BBS5: variants seen among roughly 807,000 people sequenced by gnomAD.
BBS5 encodes Bardet-Biedl syndrome 5, also known as BBSome complex member BBS5.
A neutral mutation model predicts 50.2 loss-of-function variants in BBS5; 39 were observed. The observed-to-expected ratio is 0.78, with a 90% CI of 0.60 to 1.01. The LOEUF is 1.01. BBS5 is among the 50% of genes least tolerant of loss of function. BBS5 has a pLI of 0.00. For missense variants in BBS5, 356 were observed against 401.5 expected (o/e 0.89, Z 0.97); for synonymous variants, 134 against 133.1 (o/e 1.01, Z -0.05).
intron 7 of BBS5, among the ~76,000 whole-genome samples, chr2:169,494,765 A>G (rs577471723): frequency 4.5e-4 from 69 of 152,324 alleles, no homozygotes; most frequent in African/African-American, 1.3e-3. Context: ...TAGATGGAAC[A>G]TAAAAATAGT....
chr2:169,495,527 C>T (rs934174494), intron 7 of BBS5, among the ~76,000 whole-genome samples: 1 of 152,208 alleles, frequency 6.6e-6, no homozygotes, highest in East Asian at 1.9e-4. Flanking sequence ...TACACCTCAG[C>T]CATTACCCTG....
chr2:169,484,729 T>C (rs1683460309), intron 2 of BBS5, among the ~76,000 whole-genome samples: 1 of 152,192 alleles, frequency 6.6e-6, no homozygotes, highest in Admixed American at 6.5e-5. Context: ...TGCTTAGGTG[T>C]AAAATGGCAT....
chr2:169,487,621 T>C, intron 3 of BBS5, 185 bp from the exon 4 acceptor site: 1 of 469,626 alleles, frequency 2.1e-6, no homozygotes, highest in Non-Finnish European at 3.7e-6. Flanking sequence ...GGAGACAGAA[T>C]TGACCCTCTA....
chr2:169,489,326 G>A (rs977571771), intron 5 of BBS5, among the ~76,000 whole-genome samples: 1 of 151,922 alleles, frequency 6.6e-6, no homozygotes, highest in African/African-American at 2.4e-5. Flanking sequence ...AGCTGAGCAT[G>A]GTGGTGCATG....
rs536585456 is a variant in BBS5 at position 169,504,744 on chromosome 2, C to A, written c.*162C>A. 6.3e-6 allele frequency: 8 copies of A among 1,278,706 alleles called. 1 individual carries two copies. The South Asian group carries it at 1.1e-4, about 17-fold the overall frequency. The allele number at this position is 1,278,706 out of a possible 1,614,324, so 79.2% of individuals were successfully genotyped here. ...GAGGAAAAAGTCATTTAGAAAACTT[C>A]AGTTTTCGGCCAGCGCGTCGAGGGA... On this transcript the variant is annotated 3_prime_UTR_variant, in exon 12 of 12. Transcript: ENST00000295240.
At chr2:169,492,544 G>T (rs979587308) in intron 5 of BBS5, among the ~76,000 whole-genome samples, 6 of 150,756 alleles carry the variant, frequency 4.0e-5, no homozygotes, top group Admixed American at 3.3e-4. Flanking sequence ...ACACTAAAAT[G>T]ACAAATTCTA....
Position 169,493,590 on chromosome 2 carries a change from T to C in BBS5, c.523-151T>C, listed in dbSNP as rs948559049. The C allele has an allele frequency of 2.5e-5, 17 of 675,146 alleles. No individual in the cohort carries two copies. In the African/African-American group the frequency reaches 2.9e-4, roughly 11 times the overall value. The allele number at this position is 675,146 out of a possible 1,614,324, so 41.8% of individuals were successfully genotyped here. A position where few individuals can be genotyped will look rare whatever the true frequency, so the allele number is the denominator to read the frequency against. ...ACTCCAAAGTCCAGGCTGTCACTCG[T>C]CTAATTGTACTGCCATCAATGAATG... On this transcript the variant is annotated intron_variant, in intron 6 of 11. Transcript: ENST00000295240.
At chr2:169,490,694 GT>G (rs1161575125) in intron 5 of BBS5, among the ~76,000 whole-genome samples, 4 of 152,030 alleles carry the variant, frequency 2.6e-5, no homozygotes, top group African/African-American at 9.7e-5. Flanking sequence ...CGATTTTAAA[GT>G]ATACAGTTCA....
intron 2 of BBS5, among the ~76,000 whole-genome samples, chr2:169,486,736 C>T (rs1021143432): frequency 3.9e-5 from 6 of 152,240 alleles, no homozygotes; most frequent in Admixed American, 2.0e-4. Context: ...CTCAGTTGTA[C>T]ACATATGACT....
At chr2:169,491,827 C>T (rs548183643) in intron 5 of BBS5, among the ~76,000 whole-genome samples, 5 of 152,264 alleles carry the variant, frequency 3.3e-5, no homozygotes, top group South Asian at 2.1e-4. Flanking sequence ...GACAGAGTCT[C>T]GCTCTGTGGC....
At position 169,504,824 on chromosome 2, in the gene BBS5, A is replaced by G. The variant is rs111736834; in HGVS notation, c.*242A>G. 0.1 allele frequency: 160,098 copies of G among 1,597,538 alleles called. 8,780 individuals are homozygous for G. Among genetic ancestry groups the G allele is most frequent in the Non-Finnish European group, 0.11 (131,849 of 1,170,844 alleles). On this transcript the variant is annotated 3_prime_UTR_variant, in exon 12 of 12. Coordinates refer to ENST00000295240, the MANE Select transcript of BBS5 (RefSeq NM_152384.3). ...TCCGGCCGCGGCGCTGGCTTAAGCC[A>G]TGGCTGAGGGTAGCTGGATTCCTCA...
At chr2:169,479,812 G>A (rs1380646503) in intron 1 of BBS5, among the ~76,000 whole-genome samples, 200 bp downstream of exon 1, 2 of 152,232 alleles carry the variant, frequency 1.3e-5, no homozygotes, top group African/African-American at 4.8e-5. Flanking sequence ...GCCGCGGCAA[G>A]AGCGCATCGG....
At chr2:169,494,964 C>G (rs1420893728) in intron 7 of BBS5, among the ~76,000 whole-genome samples, 1 of 152,158 alleles carries the variant, frequency 6.6e-6, no homozygotes, top group Non-Finnish European at 1.5e-5. Context: ...ATTCCCAACC[C>G]TATTTTTGGC....
At chr2:169,495,392 T>C (rs897257618) in intron 7 of BBS5, among the ~76,000 whole-genome samples, 1 of 152,260 alleles carries the variant, frequency 6.6e-6, no homozygotes, top group Non-Finnish European at 1.5e-5. Context: ...CTTTCTGTTC[T>C]TTTTGTTATT....
chr2:169,506,209 C>G lies in BBS5; in HGVS notation c.*1627C>G. On this transcript the variant is annotated 3_prime_UTR_variant, in exon 12 of 12. Transcript: ENST00000295240. Reference sequence around the variant, plus strand: ...GTCAGCCCCCCGCCCGGCCAGCCGCCCCGTCCGGGAGGTTAGGGGCGCCTC... The same window carrying G: ...GTCAGCCCCCCGCCCGGCCAGCCGCGCCGTCCGGGAGGTTAGGGGCGCCTC... 6.5e-6 allele frequency: 1 copy of G among 154,876 alleles called. No individual in the cohort carries two copies. The highest frequency in any genetic ancestry group is 2.0e-4 in the South Asian group (1 of 5,064). 9.6% of individuals were successfully genotyped at this position (154,876 alleles called of 1,614,324 possible).
Position 169,505,272 on chromosome 2 carries a change from G to A in BBS5, c.*690G>A, listed in dbSNP as rs532728219. Reference sequence around the variant, plus strand: ...TCACTTAGTGCTCAATGGTGCCCAGGCTGGAGTGCAGTGGCGTGATCTCCG... The same window carrying A: ...TCACTTAGTGCTCAATGGTGCCCAGACTGGAGTGCAGTGGCGTGATCTCCG... On this transcript the variant is annotated 3_prime_UTR_variant, in exon 12 of 12. Coordinates refer to ENST00000295240, the MANE Select transcript of BBS5 (RefSeq NM_152384.3). 2 of 414,576 alleles carry A rather than the reference G, an allele frequency of 4.8e-6. No homozygotes were observed. Among genetic ancestry groups the A allele is most frequent in the Admixed American group, 3.5e-5 (1 of 28,636 alleles). 25.7% of individuals were successfully genotyped at this position (414,576 alleles called of 1,614,324 possible).
rs947983521 is a variant in BBS5, at chr2:169,505,145, C to G, written c.*563C>G. 48 of 688,634 alleles carry G rather than the reference C, an allele frequency of 7.0e-5. No individual in the cohort carries two copies. The highest frequency in any genetic ancestry group is 4.4e-5 in the Admixed American group (2 of 45,824). 42.7% of individuals were successfully genotyped at this position (688,634 alleles called of 1,614,324 possible). A position where few individuals can be genotyped will look rare whatever the true frequency, so the allele number is the denominator to read the frequency against. Reference sequence around the variant, plus strand: ...GGTTTTCGTATTTTTTTGGTGGAGACGGGGTTTCGCTGTGTTGGCCGGGCT... The same window carrying G: ...GGTTTTCGTATTTTTTTGGTGGAGAGGGGGTTTCGCTGTGTTGGCCGGGCT... On this transcript the variant is annotated 3_prime_UTR_variant, in exon 12 of 12. Transcript: ENST00000295240.
At chr2:169,498,316 C>T (rs1341328693) in intron 8 of BBS5, among the ~76,000 whole-genome samples, 2 of 152,174 alleles carry the variant, frequency 1.3e-5, no homozygotes, top group Non-Finnish European at 2.9e-5. Context: ...ATTTTAAATA[C>T]ATTTTTAAAA....
rs74405023 is a variant in BBS5, at chr2:169,503,913, T to G, written c.901-390T>G. On this transcript the variant is annotated intron_variant, in intron 10 of 11. Coordinates refer to ENST00000295240, the MANE Select transcript of BBS5 (RefSeq NM_152384.3). ...TGCTGACACATTGAAGTACTTGTTTTGTTTTGCCAGTATCATCTTCTAAAC... is the reference window on the plus strand; with the variant it reads ...TGCTGACACATTGAAGTACTTGTTTGGTTTTGCCAGTATCATCTTCTAAAC... Among the ~76,000 whole-genome samples, 1,073 of 152,358 alleles carry G rather than the reference T, an allele frequency of 7.0e-3. 15 individuals are homozygous for G. The highest frequency in any genetic ancestry group is 0.025 in the African/African-American group (1,028 of 41,578).
Sources: allele counts gnomAD v4.1 joint callset (sites outside exome capture counted in the v4.1 genomes callset), GRCh38; gene constraint gnomAD v4.1.1; transcripts MANE v1.5; gene names NCBI Gene and HGNC (gene_info 2026-07-23, HGNC 2026-07-21).